B3GAT2: variants seen among roughly 807,000 people sequenced by gnomAD.
B3GAT2 encodes the protein galactosylgalactosylxylosylprotein 3-beta-glucuronosyltransferase 2.
In B3GAT2, 26 loss-of-function variants were observed where a neutral mutation model predicts 27.8. The observed-to-expected ratio is 0.93, with a 90% CI of 0.68 to 1.30. The LOEUF is 1.30. B3GAT2 is among the 50% of genes most tolerant of loss of function. B3GAT2 has a pLI of 0.00. For missense variants in B3GAT2, 458 were observed against 459.0 expected (o/e 1.00, Z 0.02); for synonymous variants, 218 against 195.1 (o/e 1.12, Z -0.98).
chr6:70,913,271 C>A (rs1270419257), intron 1 of B3GAT2, among the ~76,000 whole-genome samples: 1 of 152,100 alleles, frequency 6.6e-6, no homozygotes, highest in African/African-American at 2.4e-5. Context: ...AATTTGAGAT[C>A]TTTCTAACTT....
At chr6:70,913,496 A>G (rs756556672) in intron 1 of B3GAT2, among the ~76,000 whole-genome samples, 19 of 152,104 alleles carry the variant, frequency 1.2e-4, no homozygotes, top group Non-Finnish European at 2.8e-4. Context: ...TTTGATTTGC[A>G]TGTAGCTGTA....
At chr6:70,946,333 C>A (rs1015169964) in intron 1 of B3GAT2, among the ~76,000 whole-genome samples, 2 of 151,904 alleles carry the variant, frequency 1.3e-5, no homozygotes, top group African/African-American at 4.8e-5. Flanking sequence ...ATTCAGGAAA[C>A]CCATCTCACG....
At chr6:70,866,036 G>A (rs984672471) in intron 2 of B3GAT2, among the ~76,000 whole-genome samples, 4 of 152,230 alleles carry the variant, frequency 2.6e-5, no homozygotes, top group Non-Finnish European at 4.4e-5. Flanking sequence ...AGAGAAGGAA[G>A]AACTCTGCTG....
chr6:70,953,093 TG>T (rs1486614854), intron 1 of B3GAT2, among the ~76,000 whole-genome samples: 1 of 152,222 alleles, frequency 6.6e-6, no homozygotes, highest in Non-Finnish European at 1.5e-5. Context: ...AAACCTGACT[TG>T]GGGTATTCTT....
intron 1 of B3GAT2, among the ~76,000 whole-genome samples, chr6:70,936,621 A>G (rs1309701621): frequency 6.6e-6 from 1 of 152,170 alleles, no homozygotes; most frequent in African/African-American, 2.4e-5. Context: ...GCTCAGCTAC[A>G]TGGAAACTGA....
chr6:70,938,906 A>G (rs1172927614), intron 1 of B3GAT2, among the ~76,000 whole-genome samples: 1 of 151,754 alleles, frequency 6.6e-6, no homozygotes, highest in Non-Finnish European at 1.5e-5. Flanking sequence ...AATGGGATCT[A>G]ATTAAACTAA....
intron 2 of B3GAT2, among the ~76,000 whole-genome samples, chr6:70,864,936 G>GT (rs1192401566): frequency 7.9e-5 from 12 of 151,450 alleles, no homozygotes; most frequent in African/African-American, 2.7e-4. Context: ...GGTCAGCTGA[G>GT]TAAAAAAAAA....
chr6:70,956,699 C>T lies in B3GAT2; in HGVS notation c.-270G>A, dbSNP rs552134267. On this transcript the variant is annotated 5_prime_UTR_variant, in exon 1 of 4. Transcript: ENST00000230053. The stretch of plus-strand genomic sequence containing the variant: ...CCAGGTGAGCTGGCGGGAAGCGGGA[C>T]TCGGTCCAGCCGCGCGCCGCCGGTC... The T allele has an allele frequency of 1.8e-5, 25 of 1,368,174 alleles. No individual in the cohort carries two copies. Among genetic ancestry groups the T allele is most frequent in the Non-Finnish European group, 2.4e-5 (25 of 1,062,504 alleles). The allele number at this position is 1,368,174 out of a possible 1,614,324, so 84.8% of individuals were successfully genotyped here. A position where few individuals can be genotyped will look rare whatever the true frequency, so the allele number is the denominator to read the frequency against.
intron 1 of B3GAT2, among the ~76,000 whole-genome samples, chr6:70,937,140 T>C (rs1009914008): frequency 2.6e-5 from 4 of 152,124 alleles, no homozygotes; most frequent in African/African-American, 9.7e-5. Context: ...GCAAATAAAC[T>C]GGAAAATCTA....
In B3GAT2 at chr6:70,944,976, T is replaced by C. The variant is rs981271932; in HGVS notation, c.591+10863A>G. ...CCAGGCAAACAGGGTCTGGAGTGGATCTCTAGCAAACTCCAACAGACCTGC... is the reference window on the plus strand; with the variant it reads ...CCAGGCAAACAGGGTCTGGAGTGGACCTCTAGCAAACTCCAACAGACCTGC... On this transcript the variant is annotated intron_variant, in intron 1 of 3. Coordinates refer to ENST00000230053, the MANE Select transcript of B3GAT2 (RefSeq NM_080742.3). 3.3e-5 allele frequency among the ~76,000 whole-genome samples: 5 copies of C among 152,172 alleles called. No homozygotes were observed. The South Asian group carries it at 1.0e-3, about 32-fold the overall frequency.
chr6:70,901,198 T>C (rs1461827682), intron 1 of B3GAT2, among the ~76,000 whole-genome samples: 1 of 152,246 alleles, frequency 6.6e-6, no homozygotes, highest in Non-Finnish European at 1.5e-5. Flanking sequence ...TTCCTCTTTA[T>C]TGCATCCCCC....
At chr6:70,924,918 T>C (rs556744267) in intron 1 of B3GAT2, among the ~76,000 whole-genome samples, 8 of 152,338 alleles carry the variant, frequency 5.3e-5, no homozygotes, top group African/African-American at 1.9e-4. Context: ...ACTTCCTCAA[T>C]TACTCCTGCA....
intron 1 of B3GAT2, among the ~76,000 whole-genome samples, chr6:70,902,524 G>A (rs952759898): frequency 6.6e-6 from 1 of 151,682 alleles, no homozygotes; most frequent in Non-Finnish European, 1.5e-5. Flanking sequence ...ATGTCAAAGA[G>A]AATGCCCATG....
intron 1 of B3GAT2, among the ~76,000 whole-genome samples, chr6:70,933,132 G>A (rs1416884105): frequency 6.6e-6 from 1 of 152,148 alleles, no homozygotes; most frequent in African/African-American, 2.4e-5. Context: ...AGATTTACAA[G>A]AGCCAATCAA....
Position 70,949,039 on chromosome 6 carries a change from C to T in B3GAT2, c.591+6800G>A, listed in dbSNP as rs529677807. On this transcript the variant is annotated intron_variant, in intron 1 of 3. Transcript: ENST00000230053. ...AAGCTGAAACTGGATCCCTTCCTTA[C>T]ACCTTATACAAAAATTAATTCAAGA... Among the ~76,000 whole-genome samples the T allele has an allele frequency of 4.6e-5, 7 of 152,280 alleles. 1 individual carries two copies. In the South Asian group the frequency reaches 1.5e-3, roughly 32 times the overall value.
chr6:70,926,865 A>T (rs1038264923), intron 1 of B3GAT2, among the ~76,000 whole-genome samples: 1 of 152,296 alleles, frequency 6.6e-6, no homozygotes, highest in East Asian at 1.9e-4. Context: ...ATCCCAAGAC[A>T]CATAATTGTC....
rs1771611638 is a variant in B3GAT2, at chr6:70,859,581, T to C, written c.*2082A>G. Reference sequence around the variant, plus strand: ...AACCCACTCACTATATGGTAAATCTTGCCTTTCCTTCTCTTATCACCAATT... The same window carrying C: ...AACCCACTCACTATATGGTAAATCTCGCCTTTCCTTCTCTTATCACCAATT... On this transcript the variant is annotated 3_prime_UTR_variant, in exon 4 of 4. Transcript: ENST00000230053. 1 of 440,430 alleles carries C rather than the reference T, an allele frequency of 2.3e-6. No homozygotes were observed. Among genetic ancestry groups the C allele is most frequent in the Admixed American group, 4.1e-5 (1 of 24,380 alleles). 27.3% of individuals were successfully genotyped at this position (440,430 alleles called of 1,614,324 possible).
chr6:70,951,404 A>G (rs1465269717), intron 1 of B3GAT2, among the ~76,000 whole-genome samples: 2 of 152,156 alleles, frequency 1.3e-5, no homozygotes, highest in South Asian at 4.1e-4. Flanking sequence ...GCCACCCACA[A>G]TGGTTTCCAA....
chr6:70,861,984 T>TG lies in B3GAT2; in HGVS notation c.737-7dup. The TG allele has an allele frequency of 6.4e-7, 1 of 1,567,998 alleles. No homozygotes were observed. The highest frequency in any genetic ancestry group is 8.6e-7 in the Non-Finnish European group (1 of 1,162,530). On this transcript the variant is annotated splice_polypyrimidine_tract_variant and splice_region_variant and intron_variant, in intron 2 of 3. Transcript: ENST00000230053. ...TTGAAGACTTACAGCAAATCCTTTG[T>TG]GAAAAATAAAAAAAAAAAAGAGACT...
Sources: gnomAD v4.1 joint callset for allele counts (sites outside exome capture counted in the v4.1 genomes callset) on GRCh38, gnomAD v4.1.1 for gene constraint, MANE v1.5 for transcripts, NCBI Gene and HGNC (gene_info 2026-07-23, HGNC 2026-07-21) for gene names.